The following PAK1 variants were observed in gnomAD, a reference collection of about 807,000 sequenced individuals.
PAK1 encodes p21 (RAC1) activated kinase 1.
PAK1 carries 29 observed loss-of-function variants against 67.4 expected under a neutral mutation model. The observed-to-expected ratio is 0.43, with a 90% CI of 0.32 to 0.59. The LOEUF (loss-of-function observed/expected upper bound fraction) is 0.59. PAK1 is among the 20% of genes least tolerant of loss of function. PAK1 has a pLI of 0.07. For synonymous variants in PAK1, 223 were observed against 237.4 expected, an observed-to-expected ratio of 0.94 and a Z score of 0.56; for missense variants, 337 against 670.7, an observed-to-expected ratio of 0.50 and a Z score of 5.50.
intron 11 of PAK1, among the ~76,000 whole-genome samples, chr11:77,339,682 T>G (rs138357151): frequency 1.5e-3 from 221 of 152,282 alleles, no homozygotes; most frequent in African/African-American, 5.0e-3. Context: ...TTCAGCAGTA[T>G]GCCTTCAGCT....
intron 2 of PAK1, among the ~76,000 whole-genome samples, chr11:77,389,579 T>C (rs988112227): frequency 1.3e-5 from 2 of 152,232 alleles, no homozygotes; most frequent in African/African-American, 4.8e-5. Context: ...TATCTCATTG[T>C]GGTTTTGATT....
At chr11:77,499,941 GC>G in the PAK1 span, among the ~76,000 whole-genome samples, 4 of 152,122 alleles carry the variant, frequency 2.6e-5, no homozygotes, top group African/African-American at 9.7e-5. Flanking sequence ...TCCAGCATCA[GC>G]GAACACTTCC....
At chr11:77,477,576 A>AAAAAAAAAAAAC (rs1441142095), upstream of PAK1, among the ~76,000 whole-genome samples, 1 of 150,394 alleles carries the variant, frequency 6.6e-6, no homozygotes, top group African/African-American at 2.4e-5. Context: ...ACAAAAAAAA[A>AAAAAAAAAAAAC]AAAACCCAAA....
chr11:77,328,987 C>T (rs1940758244), intron 14 of PAK1, among the ~76,000 whole-genome samples: 2 of 152,220 alleles, frequency 1.3e-5, no homozygotes, highest in South Asian at 4.1e-4. Flanking sequence ...AAACTACCAT[C>T]AGAGAATACT....
upstream of PAK1, chr11:77,475,311 A>G (rs1248738767): frequency 6.6e-5 from 10 of 152,218 alleles, no homozygotes; most frequent in Admixed American, 6.5e-4. Flanking sequence ...GTCGTCTTCT[A>G]CTACCACCAC....
At chr11:77,391,161 T>C (rs142447148) in intron 2 of PAK1, among the ~76,000 whole-genome samples, 2 of 152,350 alleles carry the variant, frequency 1.3e-5, no homozygotes, top group East Asian at 1.9e-4. Flanking sequence ...CAATCTACCA[T>C]TGTGCTTGTT....
chr11:77,474,815 C>A (rs533841601), upstream of PAK1: 2 of 152,276 alleles, frequency 1.3e-5, no homozygotes, highest in African/African-American at 4.8e-5. Context: ...CCAAAGCTTT[C>A]TTTCTCCTGA....
intron 4 of PAK1, among the ~76,000 whole-genome samples, chr11:77,377,997 G>C (rs980578575): frequency 4.6e-5 from 7 of 152,186 alleles, no homozygotes; most frequent in African/African-American, 1.7e-4. Flanking sequence ...AGCAGCATGA[G>C]TGAAGCTGCA....
the PAK1 span, among the ~76,000 whole-genome samples, chr11:77,516,853 A>C: frequency 6.6e-6 from 1 of 150,842 alleles, no homozygotes; most frequent in African/African-American, 2.4e-5. Context: ...AAAAAAAAAA[A>C]AAAAAAGCTG....
intron 1 of PAK1, among the ~76,000 whole-genome samples, chr11:77,449,164 C>A (rs2135380903): frequency 6.6e-6 from 1 of 152,332 alleles, no homozygotes; most frequent in African/African-American, 2.4e-5. Flanking sequence ...CAAGACTTGA[C>A]TTGATGGGCC....
intron 5 of PAK1, among the ~76,000 whole-genome samples, chr11:77,365,128 T>C (rs1236546668): frequency 5.3e-5 from 8 of 151,564 alleles, no homozygotes; most frequent in Non-Finnish European, 8.8e-5. Flanking sequence ...GGCACGTGCC[T>C]GTTGTCCCAG....
chr11:77,393,285 AAGAGAGAGAGAGAGAG>A (rs35216521), intron 1 of PAK1, among the ~76,000 whole-genome samples: 5 of 141,784 alleles, frequency 3.5e-5, no homozygotes, highest in African/African-American at 1.1e-4. Flanking sequence ...TAAAAAAAAA[AAGAGAGAGAGAGAGAG>A]AGAGAGAGAG....
intron 12 of PAK1, among the ~76,000 whole-genome samples, chr11:77,336,937 G>T (rs1210716448): frequency 5.9e-5 from 9 of 151,916 alleles, no homozygotes; most frequent in Non-Finnish European, 8.8e-5. Context: ...AGAAGGACCA[G>T]CATGTACTGG....
intron 5 of PAK1, among the ~76,000 whole-genome samples, chr11:77,367,181 A>G (rs759582269): frequency 1.8e-4 from 27 of 152,222 alleles, no homozygotes; most frequent in Non-Finnish European, 3.7e-4. Context: ...CCTAGGGCTG[A>G]GCATGGGAGT....
chr11:77,336,296 A>G lies in PAK1; in HGVS notation c.1217-14T>C, dbSNP rs772588967. ...ATCCAAAGTCAGCTAGAAAAGAAAA[A>G]TAAGAGAAAGAACATACATTTAGGA... On this transcript the variant is annotated splice_polypyrimidine_tract_variant and intron_variant, in intron 12 of 14. Coordinates refer to ENST00000356341, the MANE Select transcript of PAK1 (RefSeq NM_002576.5). 3 of 1,590,878 alleles carry G rather than the reference A, an allele frequency of 1.9e-6. No individual in the cohort carries two copies. The South Asian group carries it at 3.3e-5, about 18-fold the overall frequency.
chr11:77,507,594 C>G, the PAK1 span, among the ~76,000 whole-genome samples: 1 of 152,114 alleles, frequency 6.6e-6, no homozygotes, highest in Admixed American at 6.6e-5. Flanking sequence ...GCAATCATAG[C>G]TCACTGCTAA....
chr11:77,503,089 C>T, the PAK1 span, among the ~76,000 whole-genome samples: 2 of 152,128 alleles, frequency 1.3e-5, no homozygotes, highest in African/African-American at 2.4e-5. Context: ...ATGCCTCCTG[C>T]AAATCACTGG....
intron 1 of PAK1, among the ~76,000 whole-genome samples, chr11:77,420,075 A>G (rs1362772759): frequency 1.3e-5 from 2 of 152,240 alleles, no homozygotes; most frequent in African/African-American, 4.8e-5. Context: ...AAGGCAAAGA[A>G]GTGCAGAGAA....
intron 7 of PAK1, 29 bp downstream of exon 7, chr11:77,355,635 GAAGA>G: frequency 6.3e-7 from 1 of 1,577,322 alleles, no homozygotes; most frequent in Non-Finnish European, 8.7e-7. Flanking sequence ...GTCATAAAAC[GAAGA>G]AAGGTTCAGA....
Sources: allele counts gnomAD v4.1 joint callset (sites outside exome capture counted in the v4.1 genomes callset), GRCh38; gene constraint gnomAD v4.1.1; transcripts MANE v1.5; gene names NCBI Gene and HGNC (gene_info 2026-07-23, HGNC 2026-07-21).